Variants in FHIT observed in about 807,000 individuals in gnomAD.
FHIT encodes fragile histidine triad diadenosine triphosphatase.
FHIT carries 19 observed loss-of-function variants against 17.9 expected under a neutral mutation model. The ratio of observed to expected loss-of-function variants is 1.06; its 90% CI spans 0.74 to 1.56. The LOEUF is 1.56. Among genes scored for constraint, FHIT ranks in the 40% most tolerant of loss-of-function variants. The probability of loss-of-function intolerance (pLI) is 0.00; values close to 1 mark genes in which losing one functional copy is unlikely to be tolerated. For missense variants in FHIT, 248 were observed against 189.2 expected (o/e 1.31, Z -1.82); for synonymous variants, 81 against 69.7 (o/e 1.16, Z -0.81).
intron 5 of FHIT, among the ~76,000 whole-genome samples, chr3:60,527,918 C>T: frequency 6.6e-6 from 1 of 152,196 alleles, no homozygotes; most frequent in East Asian, 1.9e-4. Flanking sequence ...TGAACTAGAG[C>T]CACCATTGGT....
chr3:61,013,571 G>A (rs760611614), intron 3 of FHIT, among the ~76,000 whole-genome samples: 2 of 152,032 alleles, frequency 1.3e-5, no homozygotes, highest in Non-Finnish European at 2.9e-5. Context: ...CTTTTTAAGT[G>A]TCTTTACAAA....
intron 3 of FHIT, among the ~76,000 whole-genome samples, chr3:60,860,262 T>TGTATATATG (rs1559778436): frequency 0.011 from 1,571 of 141,244 alleles, 552 homozygotes; most frequent in East Asian, 0.021. Flanking sequence ...ATACATCATA[T>TGTATATATG]GTATACATGA....
rs3047601 is a variant in FHIT, at chr3:59,929,860, C to CT, written c.280-7447dup. ...TAGAGTGATACAAATATGATACACG[C>CT]TTTTTTTTTTTTTTTAGTCTCAATT... is the stretch of plus-strand genomic sequence containing the variant. On this transcript the variant is annotated intron_variant, in intron 7 of 9. Transcript: ENST00000492590. 3.5e-3 allele frequency among the ~76,000 whole-genome samples: 510 copies of CT among 143,714 alleles called. 1 individual carries two copies. Among genetic ancestry groups the CT allele is most frequent in the African/African-American group, 9.2e-3 (358 of 38,888 alleles). 94.3% of individuals were successfully genotyped at this position (143,714 alleles called of 152,430 possible).
At chr3:61,227,127 A>C (rs1024210974) in intron 1 of FHIT, among the ~76,000 whole-genome samples, 1 of 152,192 alleles carries the variant, frequency 6.6e-6, no homozygotes, top group Non-Finnish European at 1.5e-5. Context: ...GTGAGAGAGA[A>C]GAGTGACAAG....
intron 3 of FHIT, among the ~76,000 whole-genome samples, chr3:60,921,328 C>A (rs1268521358): frequency 1.3e-5 from 2 of 152,100 alleles, no homozygotes; most frequent in Non-Finnish European, 2.9e-5. Flanking sequence ...TATGAGAAAT[C>A]ACTTAAAATA....
At chr3:60,916,287 T>C (rs1553767074) in intron 3 of FHIT, among the ~76,000 whole-genome samples, 1 of 152,228 alleles carries the variant, frequency 6.6e-6, no homozygotes, top group Non-Finnish European at 1.5e-5. Context: ...GAAATGGAAC[T>C]GCTAGGTCAA....
intron 5 of FHIT, among the ~76,000 whole-genome samples, chr3:60,323,946 G>A (rs1287312353): frequency 6.6e-6 from 1 of 151,548 alleles, no homozygotes; most frequent in African/African-American, 2.4e-5. Context: ...GAAATGAAAG[G>A]GAATAACTTC....
rs565259502 is a variant in FHIT, at chr3:60,382,845, G to C, written c.103+154015C>G. ...CACAGCATGCATTTGGAATTACATAGAGAACGAGAAATCAGACCTCTATCA... is the reference window on the plus strand; with the variant it reads ...CACAGCATGCATTTGGAATTACATACAGAACGAGAAATCAGACCTCTATCA... On this transcript the variant is annotated intron_variant, in intron 5 of 9. Coordinates refer to ENST00000492590, the MANE Select transcript of FHIT (RefSeq NM_002012.4). 5.3e-5 allele frequency among the ~76,000 whole-genome samples: 8 copies of C among 152,272 alleles called. No individual in the cohort carries two copies. The South Asian group carries it at 1.7e-3, about 32-fold the overall frequency.
intron 5 of FHIT, among the ~76,000 whole-genome samples, chr3:60,322,148 C>T (rs964435328): frequency 6.6e-6 from 1 of 152,194 alleles, no homozygotes; most frequent in African/African-American, 2.4e-5. Flanking sequence ...AGCTTATTTT[C>T]ATTATGCTTT....
intron 4 of FHIT, among the ~76,000 whole-genome samples, chr3:60,681,779 T>C (rs2040754591): frequency 6.6e-6 from 1 of 152,022 alleles, no homozygotes; most frequent in Non-Finnish European, 1.5e-5. Flanking sequence ...TTCAATTCTA[T>C]GAAGGCTAAA....
intron 4 of FHIT, among the ~76,000 whole-genome samples, chr3:60,666,715 C>G (rs565191122): frequency 6.6e-6 from 1 of 152,148 alleles, no homozygotes; most frequent in Non-Finnish European, 1.5e-5. Context: ...ATCACCCAGG[C>G]TGGAGTATAG....
At chr3:60,407,893 A>G (rs1232013397) in intron 5 of FHIT, among the ~76,000 whole-genome samples, 2 of 152,206 alleles carry the variant, frequency 1.3e-5, no homozygotes, top group East Asian at 3.9e-4. Context: ...CTTCCCTTTG[A>G]TGAACTGTTG....
chr3:60,028,417 G>A (rs972732133), intron 5 of FHIT, among the ~76,000 whole-genome samples: 7 of 152,186 alleles, frequency 4.6e-5, no homozygotes, highest in Admixed American at 6.5e-5. Flanking sequence ...GATCATAGAT[G>A]TGCATGATGA....
chr3:60,097,024 TA>T (rs71287192), intron 5 of FHIT, among the ~76,000 whole-genome samples: 35,375 of 126,984 alleles, frequency 0.28, 4,819 homozygotes, highest in African/African-American at 0.36. Context: ...CTGTTATTAT[TA>T]AAAAAAAAAA....
chr3:60,837,215 A>G (rs1702569650), intron 3 of FHIT, among the ~76,000 whole-genome samples: 1 of 152,092 alleles, frequency 6.6e-6, no homozygotes, highest in Admixed American at 6.6e-5. Context: ...AAAGGGAGGG[A>G]CGTGGAGCCT....
chr3:60,728,155 A>C (rs999604674), intron 4 of FHIT, among the ~76,000 whole-genome samples: 1 of 152,232 alleles, frequency 6.6e-6, no homozygotes, highest in African/African-American at 2.4e-5. Context: ...CCAGCTCTAA[A>C]TTCGTGGTTG....
intron 4 of FHIT, among the ~76,000 whole-genome samples, chr3:60,610,955 C>G (rs1458117489): frequency 2.6e-5 from 4 of 152,146 alleles, no homozygotes; most frequent in African/African-American, 9.7e-5. Context: ...AGGCCATGTA[C>G]TCTTAAGCCT....
intron 3 of FHIT, among the ~76,000 whole-genome samples, chr3:60,860,017 C>T (rs62249335): frequency 1.0e-5 from 1 of 96,444 alleles, no homozygotes; most frequent in African/African-American, 4.9e-5. Context: ...GCACTCCAGC[C>T]TGGTGAAGAA....
intron 4 of FHIT, among the ~76,000 whole-genome samples, chr3:60,681,893 G>A (rs1307568761): frequency 1.3e-5 from 2 of 152,132 alleles, no homozygotes; most frequent in South Asian, 2.1e-4. Flanking sequence ...AAAGCAGGAA[G>A]TGCTTATATA....
Sources: gnomAD v4.1 joint callset for allele counts (sites outside exome capture counted in the v4.1 genomes callset) on GRCh38, gnomAD v4.1.1 for gene constraint, MANE v1.5 for transcripts, NCBI Gene and HGNC (gene_info 2026-07-23, HGNC 2026-07-21) for gene names.